ODAD2: variants seen among roughly 807,000 people sequenced by gnomAD.
ODAD2 encodes outer dynein arm-docking complex subunit 2.
A neutral mutation model predicts 106.8 loss-of-function variants in ODAD2; 89 were observed. The observed-to-expected ratio is 0.83, with a 90% confidence interval of 0.70 to 0.99. ODAD2 has a LOEUF of 0.99. ODAD2 is among the 50% of genes least tolerant of loss of function. ODAD2 has a pLI of 0.00. For missense variants in ODAD2, 1,168 were observed against 1,238.5 expected, an observed-to-expected ratio of 0.94 and a Z score of 0.85; for synonymous variants, 404 against 436.2, an observed-to-expected ratio of 0.93 and a Z score of 0.92.
intron 17 of ODAD2, among the ~76,000 whole-genome samples, chr10:27,890,279 C>A (rs1842474084): frequency 6.6e-6 from 1 of 152,140 alleles, no homozygotes; most frequent in Non-Finnish European, 1.5e-5. Context: ...TGAATTTTGA[C>A]ATGGCACAGT....
At chr10:27,881,397 C>A (rs996718728) in intron 17 of ODAD2, among the ~76,000 whole-genome samples, 1 of 151,704 alleles carries the variant, frequency 6.6e-6, no homozygotes, top group East Asian at 1.9e-4. Flanking sequence ...CCTACAATCC[C>A]AGCACATTGG....
intron 19 of ODAD2, among the ~76,000 whole-genome samples, chr10:27,832,133 C>G (rs1837524996): frequency 6.6e-6 from 1 of 152,240 alleles, no homozygotes; most frequent in Non-Finnish European, 1.5e-5. Flanking sequence ...TCAGCTGCAG[C>G]AACGAATGAG....
In ODAD2 at chr10:27,971,271, G is replaced by A. The variant is rs747978352; in HGVS notation, c.979C>T (p.Leu327Phe). 3.7e-6 allele frequency: 6 copies of A among 1,612,908 alleles called. No individual in the cohort carries two copies. The Admixed American group carries it at 8.4e-5, about 22-fold the overall frequency. Residue 327 changes from leucine (L) to phenylalanine (F), a missense_variant, in exon 8 of 20, where the codon CTT becomes TTT. By Grantham distance (22) the Leu-to-Phe change is conservative. Around this residue, in one of 3 missense-constraint regions of ODAD2, gnomAD observed 430 missense variants for 452.2 expected, o/e 0.95. Coordinates refer to ENST00000305242, the MANE Select transcript of ODAD2 (RefSeq NM_018076.5). Reference sequence around the variant, plus strand: ...TCTTCCTTCTTGGGGGCTTTGCCAAGCTGATCCTTTTCCTTTTGCTGGTCT... The same window carrying A: ...TCTTCCTTCTTGGGGGCTTTGCCAAACTGATCCTTTTCCTTTTGCTGGTCT... ...SEDQQKEKDQ[L>F]GKAPKKEEAA...
At chr10:27,830,608 A>T (rs1191266479) in intron 19 of ODAD2, among the ~76,000 whole-genome samples, 1 of 152,226 alleles carries the variant, frequency 6.6e-6, no homozygotes, top group African/African-American at 2.4e-5. Flanking sequence ...AGTTCTATTT[A>T]GGAAGGTCTC....
In ODAD2 at chr10:27,825,324, C is replaced by A. The variant is rs543846803; in HGVS notation, c.3022-12699G>T. ...TCTGGAGCTGACTTTAAAGGTGCAG[C>A]CTAGCGAAAACAAAAATGCTCAGAT... On this transcript the variant is annotated intron_variant, in intron 19 of 19. Coordinates refer to ENST00000305242, the MANE Select transcript of ODAD2 (RefSeq NM_018076.5). Among the ~76,000 whole-genome samples the A allele has an allele frequency of 2.6e-5, 4 of 152,282 alleles. No individual in the cohort carries two copies. The South Asian group carries it at 6.2e-4, about 24-fold the overall frequency.
chr10:27,837,425 A>G (rs529062488), intron 19 of ODAD2, among the ~76,000 whole-genome samples: 63 of 152,372 alleles, frequency 4.1e-4, no homozygotes, highest in African/African-American at 1.4e-3. Context: ...CATCTAAGAA[A>G]AAATACCTTA....
chr10:27,902,940 T>C (rs1451205958), intron 17 of ODAD2, among the ~76,000 whole-genome samples: 1 of 152,152 alleles, frequency 6.6e-6, no homozygotes, highest in Non-Finnish European at 1.5e-5. Context: ...CCTCCCTTAC[T>C]CATTTTATGA....
chr10:27,873,149 G>A (rs1036538854), intron 17 of ODAD2, among the ~76,000 whole-genome samples: 3 of 149,578 alleles, frequency 2.0e-5, no homozygotes, highest in African/African-American at 4.9e-5. Context: ...GTGTGGAGGT[G>A]TTTATAGTAT....
intron 19 of ODAD2, among the ~76,000 whole-genome samples, chr10:27,834,649 G>A (rs1018743395): frequency 1.3e-5 from 2 of 152,210 alleles, no homozygotes; most frequent in African/African-American, 4.8e-5. Flanking sequence ...GAAAGGGCTT[G>A]TTTAAAGCAA....
chr10:27,960,416 G>A (rs1039834033), intron 10 of ODAD2, among the ~76,000 whole-genome samples: 5 of 149,968 alleles, frequency 3.3e-5, no homozygotes, highest in East Asian at 2.0e-4. Context: ...GCATGATCTC[G>A]GCTCACTGCA....
intron 19 of ODAD2, among the ~76,000 whole-genome samples, chr10:27,828,088 G>A (rs890267159): frequency 1.1e-4 from 16 of 152,112 alleles, no homozygotes; most frequent in Non-Finnish European, 1.5e-4. Context: ...AGTATGCCTC[G>A]GGGAGGTTAA....
chr10:27,990,195 T>A (rs1850137950), intron 2 of ODAD2, among the ~76,000 whole-genome samples: 1 of 152,170 alleles, frequency 6.6e-6, no homozygotes, highest in African/African-American at 2.4e-5. Flanking sequence ...TCACCCAGGC[T>A]GGAGTGCAGT....
At chr10:27,957,725 C>G (rs1316389333) in intron 10 of ODAD2, 1 of 152,124 alleles carries the variant, frequency 6.6e-6, no homozygotes, top group Non-Finnish European at 1.5e-5. Flanking sequence ...TAACATATGT[C>G]AAACCAAATA....
At chr10:27,836,512 A>G (rs941665797) in intron 19 of ODAD2, among the ~76,000 whole-genome samples, 1 of 152,210 alleles carries the variant, frequency 6.6e-6, no homozygotes, top group African/African-American at 2.4e-5. Flanking sequence ...ACCATCTAAA[A>G]TGATTTTTTG....
At chr10:27,853,365 T>TATAGATAA in intron 19 of ODAD2, 1 of 260,392 alleles carries the variant, frequency 3.8e-6, no homozygotes, top group Non-Finnish European at 7.6e-6. Context: ...AGACTCTGTC[T>TATAGATAA]ATAAATAAAT....
chr10:27,877,665 G>A (rs1048832398), intron 17 of ODAD2, among the ~76,000 whole-genome samples: 3 of 152,174 alleles, frequency 2.0e-5, no homozygotes, highest in Admixed American at 2.0e-4. Context: ...AATGCTGAAC[G>A]ACTGGGCAAA....
intron 19 of ODAD2, among the ~76,000 whole-genome samples, chr10:27,839,440 AG>A (rs1443551737): frequency 2.6e-5 from 4 of 152,192 alleles, no homozygotes; most frequent in Admixed American, 2.6e-4. Context: ...GCAAAAGATG[AG>A]GGGTGTTCAC....
At chr10:27,851,851 A>C (rs567391128) in intron 19 of ODAD2, among the ~76,000 whole-genome samples, 1 of 152,310 alleles carries the variant, frequency 6.6e-6, no homozygotes, top group East Asian at 1.9e-4. Context: ...CACAAGAAAC[A>C]TGAAGGAAAC....
chr10:27,960,657 T>C (rs1460044901), intron 10 of ODAD2, among the ~76,000 whole-genome samples: 4 of 152,122 alleles, frequency 2.6e-5, no homozygotes, highest in Non-Finnish European at 4.4e-5. Flanking sequence ...GCCAAAATAT[T>C]ATTTATTTTT....
Sources: allele counts gnomAD v4.1 joint callset (sites outside exome capture counted in the v4.1 genomes callset), GRCh38; gene constraint gnomAD v4.1.1; regional missense constraint gnomAD v4.1.1; transcripts MANE v1.5; gene names NCBI Gene and HGNC (gene_info 2026-07-23, HGNC 2026-07-21).